The following TSC1 variants were observed in gnomAD, a reference collection of about 807,000 sequenced individuals.
TSC1 encodes the protein hamartin.
In TSC1, 20 loss-of-function variants were observed where a neutral mutation model predicts 124.3. The observed-to-expected ratio is 0.16, with a 90% CI of 0.11 to 0.23. The LOEUF (loss-of-function observed/expected upper bound fraction) is 0.23. Ranked by LOEUF, TSC1 falls within the 10% of genes least tolerant of loss-of-function variation. The pLI, the probability that TSC1 is intolerant of heterozygous loss-of-function variation, is 1.00. For synonymous variants in TSC1, 493 were observed against 539.1 expected, an observed-to-expected ratio of 0.91 and a Z score of 1.19; for missense variants, 1,124 against 1,448.5, an observed-to-expected ratio of 0.78 and a Z score of 3.64.
At chr9:132,908,985 A>T (rs1588317963) in intron 12 of TSC1, among the ~76,000 whole-genome samples, 1 of 148,874 alleles carries the variant, frequency 6.7e-6, no homozygotes, top group Non-Finnish European at 1.5e-5. Flanking sequence ...ACTTACTGCA[A>T]CCTCCGCCTC....
At position 132,905,674 on chromosome 9, in the gene TSC1, G is replaced by A. The variant is rs1845612897; in HGVS notation, c.1904C>T (p.Thr635Ile). The A allele has an allele frequency of 6.2e-7, 1 of 1,614,188 alleles. No homozygotes were observed. The highest frequency in any genetic ancestry group is 8.5e-7 in the Non-Finnish European group (1 of 1,180,028). The part of the protein sequence containing the change: ...EELLKKAKGN[T>I]EEDGVPSTSP... ...GGTAGAGGGCACACCATCTTCCTCT[G>A]TGTTTCCTTTTGCTTTCTTTAACAG... Residue 635 changes from threonine (T) to isoleucine (I), a missense_variant, in exon 15 of 23, where the codon ACA becomes ATA. By Grantham distance (89) the Thr-to-Ile change is moderately conservative (BLOSUM62 -1). This residue lies in a region of TSC1 where 321 missense variants were observed against 397.4 expected (regional missense o/e 0.81). Transcript: ENST00000298552.
intron 8 of TSC1, among the ~76,000 whole-genome samples, chr9:132,919,000 T>C (rs902180091): frequency 3.3e-5 from 5 of 152,242 alleles, no homozygotes. Context: ...GACAGTGACA[T>C]GTTCTGAGAA....
rs117729553 is a variant in TSC1 at position 132,908,116 on chromosome 9, A to G, written c.1264-746T>C. On this transcript the variant is annotated intron_variant, in intron 12 of 22. Transcript: ENST00000298552. ...ACACAAAATAATAATAATAATGAGA[A>G]AGTTGGAGAATCCCAAGAGCTTTTA... Among the ~76,000 whole-genome samples, 522 of 150,980 alleles carry G rather than the reference A, an allele frequency of 3.5e-3. 1 individual carries two copies. Among genetic ancestry groups the G allele is most frequent in the Admixed American group, 5.3e-3 (80 of 15,214 alleles).
chr9:132,922,565 G>A (rs1392160824), intron 6 of TSC1, among the ~76,000 whole-genome samples: 2 of 152,070 alleles, frequency 1.3e-5, no homozygotes, highest in Admixed American at 1.3e-4. Flanking sequence ...GAAAGAAATT[G>A]AACATCTTAA....
chr9:132,897,086 C>G lies in TSC1; in HGVS notation c.2975+98G>C, dbSNP rs1845109595. 1.9e-6 allele frequency: 3 copies of G among 1,577,780 alleles called. No individual in the cohort carries two copies. The South Asian group carries it at 3.3e-5, about 18-fold the overall frequency. ...GAGTGAGCTGAGTGTTGCAGCCTGT[C>G]TAGTCAGCAGTAACTGCTTCCCACA... is the stretch of plus-strand genomic sequence containing the variant. On this transcript the variant is annotated intron_variant, in intron 22 of 22. Transcript: ENST00000298552.
At chr9:132,911,290 C>T (rs1480089412) in intron 10 of TSC1, 163 bp downstream of exon 10, 11 of 807,268 alleles carry the variant, frequency 1.4e-5, no homozygotes, top group Non-Finnish European at 2.0e-5. Context: ...CAAGATGAAT[C>T]TAAGAGGCAA....
chr9:132,909,163 A>C (rs1242111062), intron 12 of TSC1, among the ~76,000 whole-genome samples: 1 of 151,900 alleles, frequency 6.6e-6, no homozygotes, highest in Admixed American at 6.6e-5. Flanking sequence ...TCAGCCTCCC[A>C]AAGTGCTGGG....
chr9:132,913,239 G>A (rs890807203), intron 8 of TSC1, among the ~76,000 whole-genome samples: 6 of 152,110 alleles, frequency 3.9e-5, no homozygotes, highest in African/African-American at 1.4e-4. Context: ...CCCAGCTGAA[G>A]GCATGATTTT....
Position 132,896,117 on chromosome 9 carries a change from C to T in TSC1, c.*118G>A, listed in dbSNP as rs547814206. The T allele has an allele frequency of 2.0e-5, 30 of 1,486,744 alleles. No homozygotes were observed. The highest frequency in any genetic ancestry group is 2.5e-5 in the Non-Finnish European group (27 of 1,075,026). The allele number at this position is 1,486,744 out of a possible 1,614,324, so 92.1% of individuals were successfully genotyped here. On this transcript the variant is annotated 3_prime_UTR_variant, in exon 23 of 23. Transcript: ENST00000298552. This position sits in a 1 kb window ranked among gnomAD's most constrained non-coding sequence, Gnocchi z 4.5. ...TCAGCTGTCCAAAGGACCTCCGTCC[C>T]ATTTCCACACATGAACTTGCACTCA...
intron 12 of TSC1, among the ~76,000 whole-genome samples, chr9:132,909,549 C>T (rs1174054065): frequency 6.6e-6 from 1 of 152,158 alleles, no homozygotes; most frequent in Non-Finnish European, 1.5e-5. Context: ...CTGCCAAACA[C>T]CCAAGTCTGA....
Position 132,896,313 on chromosome 9 carries a change from G to A in TSC1, c.3417C>T (p.His1139=), listed in dbSNP as rs756737864. Reference sequence around the variant, plus strand: ...CACTGTCCGGGGTCGGGGGAGACGGGTGAGGGCCATCTAGGTTCAGGGGAA... The same window carrying A: ...CACTGTCCGGGGTCGGGGGAGACGGATGAGGGCCATCTAGGTTCAGGGGAA... ...AKIPLNLDGP[H]PSPPTPDSVG... Residue 1139 remains histidine, a synonymous_variant, in exon 23 of 23, where the codon CAC becomes CAT. Coordinates refer to ENST00000298552, the MANE Select transcript of TSC1 (RefSeq NM_000368.5). The surrounding 1 kb of genome is among the most constrained non-coding windows in gnomAD (Gnocchi z 4.5). The A allele has an allele frequency of 1.2e-6, 2 of 1,614,242 alleles. No homozygotes were observed. Among genetic ancestry groups the A allele is most frequent in the South Asian group, 1.1e-5 (1 of 91,088 alleles).
intron 15 of TSC1, 34 bp from the exon 16 acceptor site, chr9:132,904,488 G>A (rs776724840): frequency 1.9e-5 from 31 of 1,610,216 alleles, no homozygotes; most frequent in Middle Eastern, 1.6e-4. Flanking sequence ...CAAAGTTACC[G>A]ATCTTACCAA....
At chr9:132,937,669 C>G (rs962792757) in intron 1 of TSC1, among the ~76,000 whole-genome samples, 1 of 152,154 alleles carries the variant, frequency 6.6e-6, no homozygotes, top group Non-Finnish European at 1.5e-5. Context: ...AAAGGCCCTA[C>G]TCTAGGAAAG....
At chr9:132,944,068 G>T (rs1005793797) in intron 1 of TSC1, 1 of 152,554 alleles carries the variant, frequency 6.6e-6, no homozygotes, top group Non-Finnish European at 1.5e-5. Context: ...ATCCCCACAG[G>T]CGACCTCCAT....
At chr9:132,904,606 T>C (rs1845559494) in intron 15 of TSC1, 152 bp from the exon 16 acceptor site, 1 of 796,512 alleles carries the variant, frequency 1.3e-6, no homozygotes, top group Admixed American at 2.0e-5. Context: ...CACAGAGAGT[T>C]AGAGGAGAAG....
upstream of TSC1, chr9:132,945,344 A>C (rs4962225): frequency 0.22 from 33,181 of 152,174 alleles, 3,759 homozygotes; most frequent in African/African-American, 0.23. Flanking sequence ...AACCAGCCCT[A>C]ATAGGAGACA....
At chr9:132,914,529 G>T (rs545719929) in intron 8 of TSC1, among the ~76,000 whole-genome samples, 36 of 152,142 alleles carry the variant, frequency 2.4e-4, no homozygotes, top group African/African-American at 8.4e-4. Context: ...TAATTTTATT[G>T]TAAGCAAATT....
chr9:132,897,728 A>G (rs1414656722), intron 20 of TSC1, 118 bp from the exon 21 acceptor site: 3 of 1,343,262 alleles, frequency 2.2e-6, no homozygotes, highest in Non-Finnish European at 3.0e-6. Flanking sequence ...TACTGATAAC[A>G]GAAATATAAA....
At position 132,935,089 on chromosome 9, in the gene TSC1, A is replaced by G; in HGVS notation, c.-137T>C. The G allele has an allele frequency of 2.5e-6, 1 of 399,072 alleles. No homozygotes were observed. The allele number at this position is 399,072 out of a possible 1,614,324, so 24.7% of individuals were successfully genotyped here. On this transcript the variant is annotated 5_prime_UTR_variant, in exon 2 of 23. An upstream start codon of the reference 5' UTR is lost. Coordinates refer to ENST00000298552, the MANE Select transcript of TSC1 (RefSeq NM_000368.5). ...CAGTGCTGTCAACCTGGTGTCTTTC[A>G]TGGTCACTGAAGGAAGAAAACATAT... is the stretch of plus-strand genomic sequence containing the variant.
Sources: gnomAD v4.1 joint callset for allele counts (sites outside exome capture counted in the v4.1 genomes callset) on GRCh38, gnomAD v4.1.1 for gene constraint, gnomAD v4.1.1 regional missense constraint, Gnocchi (gnomAD v3.1) non-coding constraint, MANE v1.5 for transcripts, NCBI Gene and HGNC (gene_info 2026-07-23, HGNC 2026-07-21) for gene names.